The following TUBAL3 variants were observed in gnomAD, a reference collection of about 807,000 sequenced individuals.
The protein encoded by TUBAL3 is tubulin alpha chain-like 3.
In TUBAL3, 16 loss-of-function variants were observed where a neutral mutation model predicts 15.5. The ratio of observed to expected loss-of-function variants is 1.04; its 90% CI spans 0.70 to 1.57. The LOEUF is 1.57. Among genes scored for constraint, TUBAL3 ranks in the 40% most tolerant of loss-of-function variants. The pLI, the probability that TUBAL3 is intolerant of heterozygous loss-of-function variation, is 0.00. For synonymous variants in TUBAL3, 238 were observed against 224.3 expected (o/e 1.06, Z -0.55); for missense variants, 609 against 576.2 (o/e 1.06, Z -0.58).
intron 1 of TUBAL3, among the ~76,000 whole-genome samples, chr10:5,402,147 G>A (rs1488668244): frequency 6.6e-6 from 1 of 152,124 alleles, no homozygotes; most frequent in Admixed American, 6.5e-5. Context: ...GTAATATCTG[G>A]GTAGTGATTT....
At position 5,404,819 on chromosome 10, in the gene TUBAL3, C is replaced by G. The variant is rs1292717032; in HGVS notation, c.-27G>C. The G allele has an allele frequency of 1.9e-6, 3 of 1,612,876 alleles. No homozygotes were observed. The highest frequency in any genetic ancestry group is 2.7e-5 in the African/African-American group (2 of 74,900). Reference sequence around the variant, plus strand: ...CTGATGAGAACGTGCCCTTCCTGCCCTGTAGTAATGACTGAGGAGCCTCCC... The same window carrying G: ...CTGATGAGAACGTGCCCTTCCTGCCGTGTAGTAATGACTGAGGAGCCTCCC... On this transcript the variant is annotated 5_prime_UTR_variant, in exon 1 of 4. Transcript: ENST00000380419.
At chr10:5,398,740 CATT>C (rs1831803800) in intron 2 of TUBAL3, among the ~76,000 whole-genome samples, 2 of 132,762 alleles carry the variant, frequency 1.5e-5, no homozygotes, top group Non-Finnish European at 3.2e-5. Context: ...GTTCTTAAAA[CATT>C]ATGAGATCGT....
chr10:5,395,559 C>A lies in TUBAL3; in HGVS notation c.248-84G>T. ...GCTGCTAGTCCTCCTGGAGCCTCCC[C>A]GTACTTGACTCCCATGCTTTCTCTC... On this transcript the variant is annotated intron_variant, in intron 2 of 3. Coordinates refer to ENST00000380419, the MANE Select transcript of TUBAL3 (RefSeq NM_024803.3). This position sits in a 1 kb window ranked among gnomAD's most constrained non-coding sequence, Gnocchi z 4.6. The A allele has an allele frequency of 7.7e-7, 1 of 1,303,818 alleles. No homozygotes were observed. The highest frequency in any genetic ancestry group is 1.5e-5 in the African/African-American group (1 of 66,070). 80.8% of individuals were successfully genotyped at this position (1,303,818 alleles called of 1,614,324 possible).
chr10:5,393,397 C>G lies in TUBAL3; in HGVS notation c.*120G>C. 1.2e-6 allele frequency: 1 copy of G among 821,558 alleles called. No homozygotes were observed. Among genetic ancestry groups the G allele is most frequent in the South Asian group, 1.8e-5 (1 of 54,532 alleles). The allele number at this position is 821,558 out of a possible 1,614,324, so 50.9% of individuals were successfully genotyped here. On this transcript the variant is annotated 3_prime_UTR_variant, in exon 4 of 4. Coordinates refer to ENST00000380419, the MANE Select transcript of TUBAL3 (RefSeq NM_024803.3). ...CTTAATTTAGTGTGGAACCTAGAGT[C>G]TTGCCTGATTTGAGTTCATTTTTCT...
chr10:5,394,105 A>T lies in TUBAL3; in HGVS notation c.753T>A (p.Phe251Leu), dbSNP rs1025640290. The change falls in exon 4 of 4, where the codon TTT becomes TTA. Residue 251 changes from phenylalanine (F) to leucine (L), a missense_variant. Coordinates refer to ENST00000380419, the MANE Select transcript of TUBAL3 (RefSeq NM_024803.3). The surrounding 1 kb of genome is among the most constrained non-coding windows in gnomAD (Gnocchi z 4.3). Reference sequence around the variant, plus strand: ...TTAGGTCTACATTCAAGGGCCCTTCAAACCGGAGGGAGGCAGTGATGGAAG... The same window carrying T: ...TTAGGTCTACATTCAAGGGCCCTTCTAACCGGAGGGAGGCAGTGATGGAAG... ...VVSSITASLRFEGPLNVDLIE... is the reference protein window; with the variant it reads ...VVSSITASLRLEGPLNVDLIE... The T allele has an allele frequency of 5.0e-6, 8 of 1,614,098 alleles. No homozygotes were observed. The Admixed American group carries it at 1.3e-4, about 27-fold the overall frequency.
In TUBAL3 at chr10:5,393,461, T is replaced by TTTAAA; in HGVS notation, c.*55_*56insTTTAA. ...ACTACCCACTAGGCATATAACGGCT[T>TTTAAA]GAAAAGAAAACATGCCATTTTAACT... is the stretch of plus-strand genomic sequence containing the variant. On this transcript the variant is annotated 3_prime_UTR_variant, in exon 4 of 4. Transcript: ENST00000380419. 1.3e-6 allele frequency: 2 copies of TTTAAA among 1,493,344 alleles called. No individual in the cohort carries two copies. 92.5% of individuals were successfully genotyped at this position (1,493,344 alleles called of 1,614,324 possible). A position where few individuals can be genotyped will look rare whatever the true frequency, so the allele number is the denominator to read the frequency against.
chr10:5,393,695 G>A lies in TUBAL3; in HGVS notation c.1163C>T (p.Thr388Ile). The part of the protein sequence containing the change: ...VHRSICMLSN[T>I]TAIVEAWARL... ...GGCCCAGGCCTCCACAATCGCCGTG[G>A]TGTTGCTCAGCATGCAGATGGACCG... is the stretch of plus-strand genomic sequence containing the variant. Residue 388 changes from threonine (T) to isoleucine (I), a missense_variant, in exon 4 of 4, where the codon ACC (threonine) becomes ATC (isoleucine). Physicochemically the swap from Thr to Ile is moderately conservative, Grantham distance 89. Coordinates refer to ENST00000380419, the MANE Select transcript of TUBAL3 (RefSeq NM_024803.3). The A allele has an allele frequency of 5.6e-6, 9 of 1,614,206 alleles. No homozygotes were observed. The highest frequency in any genetic ancestry group is 7.6e-6 in the Non-Finnish European group (9 of 1,180,044).
chr10:5,399,537 T>C (rs1183711378), intron 2 of TUBAL3, among the ~76,000 whole-genome samples: 3 of 152,180 alleles, frequency 2.0e-5, no homozygotes, highest in African/African-American at 7.2e-5. Context: ...CAACAACTGT[T>C]GTCTAAGCCA....
rs1831755052 is a variant in TUBAL3, at chr10:5,395,760, G to C, written c.248-285C>G. ...CAAACATCATGGCTTAAAACAATAGGAATTTATTTCCTAACAGCTCCAGAG... is the reference window on the plus strand; with the variant it reads ...CAAACATCATGGCTTAAAACAATAGCAATTTATTTCCTAACAGCTCCAGAG... On this transcript the variant is annotated intron_variant, in intron 2 of 3. Coordinates refer to ENST00000380419, the MANE Select transcript of TUBAL3 (RefSeq NM_024803.3). The surrounding 1 kb of genome is among the most constrained non-coding windows in gnomAD (Gnocchi z 4.6). Among the ~76,000 whole-genome samples the C allele has an allele frequency of 3.3e-5, 5 of 152,272 alleles. No homozygotes were observed. In the South Asian group the frequency reaches 1.0e-3, roughly 32 times the overall value.
chr10:5,397,574 G>A lies in TUBAL3; in HGVS notation c.248-2099C>T, dbSNP rs1008373380. ...GGGCATAGTGGTTGCAGCACCTGCC[G>A]TTCATAAGTAATCCATGCCATCCAC... On this transcript the variant is annotated intron_variant, in intron 2 of 3. Transcript: ENST00000380419. This position sits in a 1 kb window ranked among gnomAD's most constrained non-coding sequence, Gnocchi z 4.9. Among the ~76,000 whole-genome samples, 1 of 152,114 alleles carries A rather than the reference G, an allele frequency of 6.6e-6. No homozygotes were observed. Among genetic ancestry groups the A allele is most frequent in the Non-Finnish European group, 1.5e-5 (1 of 68,020 alleles).
rs1554814211 is a variant in TUBAL3 at position 5,397,030 on chromosome 10, C to T, written c.248-1555G>A. ...TTACGAGAACATAGGGCACAACGCA[C>T]GGCCCATATAACAACAGCAATTATA... On this transcript the variant is annotated intron_variant, in intron 2 of 3. Transcript: ENST00000380419. This position sits in a 1 kb window ranked among gnomAD's most constrained non-coding sequence, Gnocchi z 4.9. Among the ~76,000 whole-genome samples the T allele has an allele frequency of 6.6e-6, 1 of 152,144 alleles. No homozygotes were observed. Among genetic ancestry groups the T allele is most frequent in the East Asian group, 1.9e-4 (1 of 5,198 alleles).
chr10:5,401,547 C>A (rs1831851678), intron 1 of TUBAL3, among the ~76,000 whole-genome samples: 1 of 151,916 alleles, frequency 6.6e-6, no homozygotes, highest in African/African-American at 2.4e-5. Flanking sequence ...ATAGCCTTGT[C>A]AAGTACTAAA....
rs950532274 is a variant in TUBAL3 at position 5,395,225 on chromosome 10, G to A, written c.396+102C>T. ...CCCAGACCAGAGCCCAGGGAGAGAC[G>A]GTTGGTGGCGATGGTGACAGCAGAT... On this transcript the variant is annotated intron_variant, in intron 3 of 3. Coordinates refer to ENST00000380419, the MANE Select transcript of TUBAL3 (RefSeq NM_024803.3). The surrounding 1 kb of genome is among the most constrained non-coding windows in gnomAD (Gnocchi z 4.6). The A allele has an allele frequency of 1.0e-5, 13 of 1,252,810 alleles. No individual in the cohort carries two copies. The highest frequency in any genetic ancestry group is 6.2e-5 in the African/African-American group (4 of 64,862). The allele number at this position is 1,252,810 out of a possible 1,614,324, so 77.6% of individuals were successfully genotyped here. A position where few individuals can be genotyped will look rare whatever the true frequency, so the allele number is the denominator to read the frequency against.
At position 5,395,206 on chromosome 10, in the gene TUBAL3, C is replaced by A. The variant is rs1477932630; in HGVS notation, c.396+121G>T. ...CCCTCCCCAGTTCTGAGCACCCAGA[C>A]CAGAGCCCAGGGAGAGACGGTTGGT... On this transcript the variant is annotated intron_variant, in intron 3 of 3. Coordinates refer to ENST00000380419, the MANE Select transcript of TUBAL3 (RefSeq NM_024803.3). The surrounding 1 kb of genome is among the most constrained non-coding windows in gnomAD (Gnocchi z 4.6). The A allele has an allele frequency of 4.5e-6, 5 of 1,114,660 alleles. No individual in the cohort carries two copies. Among genetic ancestry groups the A allele is most frequent in the Non-Finnish European group, 6.1e-6 (5 of 824,846 alleles). The allele number at this position is 1,114,660 out of a possible 1,614,324, so 69.0% of individuals were successfully genotyped here.
rs1163522445 is a variant in TUBAL3 at position 5,394,924 on chromosome 10, T to A, written c.396+403A>T. ...CTCAGGCCCCTAAAGAGGAATTAATTATCAGTAAATAGAGTCACGCATCTC... is the reference window on the plus strand; with the variant it reads ...CTCAGGCCCCTAAAGAGGAATTAATAATCAGTAAATAGAGTCACGCATCTC... On this transcript the variant is annotated intron_variant, in intron 3 of 3. Transcript: ENST00000380419. The surrounding 1 kb of genome is among the most constrained non-coding windows in gnomAD (Gnocchi z 4.3). Among the ~76,000 whole-genome samples the A allele has an allele frequency of 6.6e-6, 1 of 152,130 alleles. No individual in the cohort carries two copies. Among genetic ancestry groups the A allele is most frequent in the African/African-American group, 2.4e-5 (1 of 41,422 alleles).
At chr10:5,404,135 G>A (rs1370411495) in intron 1 of TUBAL3, among the ~76,000 whole-genome samples, 1 of 152,098 alleles carries the variant, frequency 6.6e-6, no homozygotes, top group East Asian at 1.9e-4. Flanking sequence ...TTTAAATGTT[G>A]GACAGAGAGA....
rs1053994041 is a variant in TUBAL3 at position 5,396,651 on chromosome 10, G to A, written c.248-1176C>T. ...AATGCTGAGTGCATAAATGCATGAC[G>A]CAGGACAATTGGCGTTAAGATGTTG... On this transcript the variant is annotated intron_variant, in intron 2 of 3. Transcript: ENST00000380419. The surrounding 1 kb of genome is among the most constrained non-coding windows in gnomAD (Gnocchi z 5.1). Among the ~76,000 whole-genome samples the A allele has an allele frequency of 6.6e-6, 1 of 152,206 alleles. No homozygotes were observed. Among genetic ancestry groups the A allele is most frequent in the Non-Finnish European group, 1.5e-5 (1 of 68,042 alleles).
rs1251919657 is a variant in TUBAL3 at position 5,396,386 on chromosome 10, G to A, written c.248-911C>T. Among the ~76,000 whole-genome samples the A allele has an allele frequency of 6.6e-6, 1 of 152,112 alleles. No individual in the cohort carries two copies. Among genetic ancestry groups the A allele is most frequent in the Non-Finnish European group, 1.5e-5 (1 of 68,028 alleles). The stretch of plus-strand genomic sequence containing the variant: ...TAGCCAGGCATGGTGGTGGGTGCCT[G>A]TAATCCCAGCTACTCGGGAGACTGA... On this transcript the variant is annotated intron_variant, in intron 2 of 3. Transcript: ENST00000380419. This position sits in a 1 kb window ranked among gnomAD's most constrained non-coding sequence, Gnocchi z 5.1.
chr10:5,398,418 C>T (rs1193339713), intron 2 of TUBAL3, among the ~76,000 whole-genome samples: 2 of 71,712 alleles, frequency 2.8e-5, no homozygotes, highest in African/African-American at 6.0e-5. Flanking sequence ...AAAACTCTGT[C>T]TCAAAAAAAA....
Sources: allele counts gnomAD v4.1 joint callset (sites outside exome capture counted in the v4.1 genomes callset), GRCh38; gene constraint gnomAD v4.1.1; non-coding constraint Gnocchi (gnomAD v3.1); transcripts MANE v1.5; gene names NCBI Gene and HGNC (gene_info 2026-07-23, HGNC 2026-07-21).